Variants in ROR1 observed in about 807,000 individuals in gnomAD.
ROR1 encodes the protein ROR family WNT receptor 1, also known as inactive tyrosine-protein kinase transmembrane receptor ROR1.
Under a neutral mutation model 78.8 loss-of-function variants are expected in ROR1, and 19 were observed. That is an observed-to-expected ratio of 0.24 (90% CI 0.17 to 0.35). The LOEUF is 0.35. Among genes scored for constraint, ROR1 ranks in the 10% least tolerant of loss-of-function variants. The pLI, the probability that ROR1 is intolerant of heterozygous loss-of-function variation, is 1.00. For missense variants in ROR1, 917 were observed against 1,177.8 expected (o/e 0.78, Z 3.24); for synonymous variants, 386 against 433.6 (o/e 0.89, Z 1.36).
At chr1:63,816,542 T>G (rs1644893240) in intron 1 of ROR1, among the ~76,000 whole-genome samples, 1 of 152,188 alleles carries the variant, frequency 6.6e-6, no homozygotes, top group African/African-American at 2.4e-5. Context: ...GTAAGTCCAT[T>G]AAACCTCTTT....
At chr1:64,145,344 A>T (rs1055731538) in intron 7 of ROR1, among the ~76,000 whole-genome samples, 4 of 152,220 alleles carry the variant, frequency 2.6e-5, no homozygotes, top group Non-Finnish European at 5.9e-5. Flanking sequence ...AAAAAGTTTT[A>T]AAAATATTGA....
intron 7 of ROR1, among the ~76,000 whole-genome samples, chr1:64,143,868 G>A (rs927005702): frequency 6.6e-6 from 1 of 152,184 alleles, no homozygotes; most frequent in Non-Finnish European, 1.5e-5. Flanking sequence ...AGTTGGGAAA[G>A]CATGAGAGGG....
intron 1 of ROR1, among the ~76,000 whole-genome samples, chr1:63,994,879 A>G (rs1364479939): frequency 6.6e-6 from 1 of 151,500 alleles, no homozygotes; most frequent in Non-Finnish European, 1.5e-5. Context: ...CATCAAGTGC[A>G]CAGTAGCTTT....
chr1:63,775,008 T>A (rs1644605672), intron 1 of ROR1, among the ~76,000 whole-genome samples: 1 of 152,012 alleles, frequency 6.6e-6, no homozygotes, highest in Non-Finnish European at 1.5e-5. Flanking sequence ...AAAAGCCCTG[T>A]CCTCCTGGGG....
At chr1:63,948,082 C>T (rs1645904660) in intron 1 of ROR1, among the ~76,000 whole-genome samples, 1 of 152,054 alleles carries the variant, frequency 6.6e-6, no homozygotes, top group African/African-American at 2.4e-5. Context: ...GATCACTTGG[C>T]CAAGGTCACA....
rs112677370 is a variant in ROR1 at position 63,997,621 on chromosome 1, T to C, written c.92-11684T>C. Among the ~76,000 whole-genome samples the C allele has an allele frequency of 1.6e-3, 242 of 152,282 alleles. 1 individual carries two copies. Among genetic ancestry groups the C allele is most frequent in the Non-Finnish European group, 3.2e-3 (218 of 68,024 alleles). Reference sequence around the variant, plus strand: ...TTTTCAGTTATTTTTACAGACATATTATCTGGGTTTCCTTACCCTGGTGGT... The same window carrying C: ...TTTTCAGTTATTTTTACAGACATATCATCTGGGTTTCCTTACCCTGGTGGT... On this transcript the variant is annotated intron_variant, in intron 1 of 8. Transcript: ENST00000371079.
chr1:63,881,461 T>G (rs1054698117), intron 1 of ROR1, among the ~76,000 whole-genome samples: 3 of 152,152 alleles, frequency 2.0e-5, no homozygotes, highest in African/African-American at 7.2e-5. Flanking sequence ...ATGAGGGCTA[T>G]GGACACCAAG....
chr1:63,996,641 A>T (rs372090313), intron 1 of ROR1, among the ~76,000 whole-genome samples: 2 of 152,160 alleles, frequency 1.3e-5, no homozygotes, highest in East Asian at 3.9e-4. Flanking sequence ...ATTTCCAGGG[A>T]CAGCCAGAAG....
At chr1:64,084,315 A>G (rs1647132468) in intron 4 of ROR1, among the ~76,000 whole-genome samples, 1 of 152,220 alleles carries the variant, frequency 6.6e-6, no homozygotes, top group Admixed American at 6.5e-5. Context: ...GGATTTGTAC[A>G]GTGGTCTTTA....
chr1:64,067,614 T>C (rs1162894776), intron 4 of ROR1, among the ~76,000 whole-genome samples: 1 of 151,976 alleles, frequency 6.6e-6, no homozygotes, highest in Non-Finnish European at 1.5e-5. Flanking sequence ...TGCATCCACA[T>C]TGACAAAATT....
rs972806262 is a variant in ROR1 at position 64,181,351 on chromosome 1, G to C, written c.*2496G>C. ...TACTTAATGTTTGATTTGTTATTAT[G>C]GGCATTTCAAATAGGCAAGCATTGA... On this transcript the variant is annotated 3_prime_UTR_variant, in exon 9 of 9. Transcript: ENST00000371079. The C allele has an allele frequency of 6.6e-6, 1 of 151,954 alleles. No individual in the cohort carries two copies. Among genetic ancestry groups the C allele is most frequent in the African/African-American group, 2.4e-5 (1 of 41,380 alleles). 9.4% of individuals were successfully genotyped at this position (151,954 alleles called of 1,614,324 possible).
intron 1 of ROR1, among the ~76,000 whole-genome samples, chr1:63,800,114 C>G (rs922601163): frequency 1.3e-5 from 2 of 152,132 alleles, no homozygotes; most frequent in African/African-American, 4.8e-5. Flanking sequence ...GCTTCATAGA[C>G]AGATGAGAAG....
At chr1:63,819,459 A>G (rs1343426248) in intron 1 of ROR1, among the ~76,000 whole-genome samples, 1 of 152,184 alleles carries the variant, frequency 6.6e-6, no homozygotes, top group East Asian at 1.9e-4. Context: ...TGAGCAAGTC[A>G]CATAAGCTTC....
rs551892761 is a variant in ROR1 at position 63,998,980 on chromosome 1, A to G, written c.92-10325A>G. On this transcript the variant is annotated intron_variant, in intron 1 of 8. Coordinates refer to ENST00000371079, the MANE Select transcript of ROR1 (RefSeq NM_005012.4). Reference sequence around the variant, plus strand: ...GCTTCTCTCTCATCCTCTCTTGCCAACGCCATACTGTAAGAAGTACCTTTC... The same window carrying G: ...GCTTCTCTCTCATCCTCTCTTGCCAGCGCCATACTGTAAGAAGTACCTTTC... Among the ~76,000 whole-genome samples, 80 of 152,246 alleles carry G rather than the reference A, an allele frequency of 5.3e-4. No homozygotes were observed. In the Middle Eastern group the frequency reaches 0.014, roughly 26 times the overall value.
At chr1:64,025,173 C>T (rs1351835153) in intron 2 of ROR1, among the ~76,000 whole-genome samples, 1 of 152,078 alleles carries the variant, frequency 6.6e-6, no homozygotes, top group East Asian at 1.9e-4. Context: ...ATTTCCACCC[C>T]TAGGAAGGGC....
chr1:63,941,930 G>A (rs1008581358), intron 1 of ROR1, among the ~76,000 whole-genome samples: 7 of 152,144 alleles, frequency 4.6e-5, no homozygotes, highest in South Asian at 2.1e-4. Context: ...CTTTACATGC[G>A]TTATCTCATT....
intron 4 of ROR1, among the ~76,000 whole-genome samples, chr1:64,059,708 T>TAA (rs75359961): frequency 0.062 from 8,056 of 130,744 alleles, 313 homozygotes; most frequent in Non-Finnish European, 0.077. Flanking sequence ...GACTCCATCT[T>TAA]AAAAAAAAAA....
At chr1:63,975,663 A>C (rs2100502691) in intron 1 of ROR1, among the ~76,000 whole-genome samples, 1 of 152,230 alleles carries the variant, frequency 6.6e-6, no homozygotes, top group East Asian at 1.9e-4. Flanking sequence ...GCCAAAGCAA[A>C]TTTCTGAGCG....
intron 1 of ROR1, among the ~76,000 whole-genome samples, chr1:63,876,274 A>C (rs1253320325): frequency 6.6e-6 from 1 of 152,188 alleles, no homozygotes; most frequent in Admixed American, 6.5e-5. Context: ...TAAAGAAAGC[A>C]CTGGTCTATT....
Sources: allele counts gnomAD v4.1 joint callset (sites outside exome capture counted in the v4.1 genomes callset), GRCh38; gene constraint gnomAD v4.1.1; transcripts MANE v1.5; gene names NCBI Gene and HGNC (gene_info 2026-07-23, HGNC 2026-07-21).